Variants in SORCS1 observed in about 807,000 individuals in gnomAD.
The protein encoded by SORCS1 is VPS10 domain-containing receptor SorCS1.
Under a neutral mutation model 146.1 loss-of-function variants are expected in SORCS1, and 60 were observed. The ratio of observed to expected loss-of-function variants is 0.41; its 90% CI spans 0.33 to 0.51. SORCS1 has a LOEUF of 0.51. Among genes scored for constraint, SORCS1 ranks in the 20% least tolerant of loss-of-function variants. SORCS1 has a pLI of 0.21. For synonymous variants in SORCS1, 637 were observed against 584.0 expected (o/e 1.09, Z -1.31); for missense variants, 1,352 against 1,487.6 (o/e 0.91, Z 1.50).
intron 1 of SORCS1, among the ~76,000 whole-genome samples, chr10:106,995,870 C>T (rs1460751591): frequency 6.6e-6 from 1 of 151,984 alleles, no homozygotes; most frequent in Non-Finnish European, 1.5e-5. Flanking sequence ...ACAAGGGAAC[C>T]TGGCAAATGT....
intron 19 of SORCS1, among the ~76,000 whole-genome samples, chr10:106,623,072 T>G (rs1352475295): frequency 6.6e-6 from 1 of 152,190 alleles, no homozygotes; most frequent in Non-Finnish European, 1.5e-5. Context: ...ACCTTTCTTA[T>G]GGCACCTGTC....
At chr10:106,933,798 T>C (rs1359278991) in intron 2 of SORCS1, among the ~76,000 whole-genome samples, 3 of 152,146 alleles carry the variant, frequency 2.0e-5, no homozygotes, top group East Asian at 1.9e-4. Flanking sequence ...ACTTCAACTA[T>C]GAAAAACATT....
At chr10:106,971,854 G>A (rs117313788) in intron 1 of SORCS1, among the ~76,000 whole-genome samples, 6 of 152,216 alleles carry the variant, frequency 3.9e-5, no homozygotes, top group Non-Finnish European at 8.8e-5. Flanking sequence ...ATCAAAGTCT[G>A]AATTCCAGAT....
chr10:106,953,563 T>G (rs1317123595), intron 2 of SORCS1, among the ~76,000 whole-genome samples: 1 of 152,066 alleles, frequency 6.6e-6, no homozygotes, highest in Non-Finnish European at 1.5e-5. Context: ...ATGAGGTGGA[T>G]GAATTCGGAG....
At chr10:107,103,358 G>A (rs1383702577) in intron 1 of SORCS1, among the ~76,000 whole-genome samples, 4 of 152,272 alleles carry the variant, frequency 2.6e-5, no homozygotes, top group Admixed American at 6.5e-5. Flanking sequence ...CAGTAGTCCC[G>A]ACTAAGGTTT....
chr10:106,862,920 G>A (rs183059656), intron 2 of SORCS1, among the ~76,000 whole-genome samples: 139 of 152,098 alleles, frequency 9.1e-4, no homozygotes, highest in Non-Finnish European at 1.5e-3. Flanking sequence ...TGATTCTCAT[G>A]GTAAGATATT....
In SORCS1 at chr10:107,161,768, T is replaced by C. The variant is rs1206097684; in HGVS notation, c.558+2201A>G. 2.6e-5 allele frequency among the ~76,000 whole-genome samples: 4 copies of C among 152,234 alleles called. No individual in the cohort carries two copies. In the East Asian group the frequency reaches 7.7e-4, roughly 29 times the overall value. The stretch of plus-strand genomic sequence containing the variant: ...TTTCTCTGAGTCTGGTCCAGATACG[T>C]AGGACTGGCTTTGTTTTGGAGGACA... On this transcript the variant is annotated intron_variant, in intron 1 of 25. Coordinates refer to ENST00000263054, the MANE Select transcript of SORCS1 (RefSeq NM_052918.5).
intron 1 of SORCS1, among the ~76,000 whole-genome samples, chr10:107,087,364 T>C (rs1490832732): frequency 6.6e-6 from 1 of 152,186 alleles, no homozygotes; most frequent in African/African-American, 2.4e-5. Context: ...CCTTGATCCA[T>C]ATGTCTAGTG....
At chr10:107,008,489 A>ATG (rs1437069596) in intron 1 of SORCS1, among the ~76,000 whole-genome samples, 1 of 152,248 alleles carries the variant, frequency 6.6e-6, no homozygotes, top group Non-Finnish European at 1.5e-5. Context: ...TCATCACATG[A>ATG]AAGATGTTCC....
rs566207939 is a variant in SORCS1, at chr10:106,928,552, G to A, written c.626+27961C>T. ...CAGAAAGGGGCTCCCACAGTGCAGC[G>A]GTGGGCTGAAGGGCTCCTTAAGTGC... On this transcript the variant is annotated intron_variant, in intron 2 of 25. Coordinates refer to ENST00000263054, the MANE Select transcript of SORCS1 (RefSeq NM_052918.5). Among the ~76,000 whole-genome samples, 50 of 152,358 alleles carry A rather than the reference G, an allele frequency of 3.3e-4. No homozygotes were observed. The South Asian group carries it at 6.4e-3, about 20-fold the overall frequency.
chr10:107,001,434 C>T (rs1238479032), intron 1 of SORCS1, among the ~76,000 whole-genome samples: 1 of 151,942 alleles, frequency 6.6e-6, no homozygotes, highest in Non-Finnish European at 1.5e-5. Context: ...TGGTAGAAGG[C>T]TTTTTAGTAA....
intron 1 of SORCS1, among the ~76,000 whole-genome samples, chr10:107,021,279 G>A (rs1222022533): frequency 6.6e-6 from 1 of 151,904 alleles, no homozygotes; most frequent in African/African-American, 2.4e-5. Flanking sequence ...TTGGGAGGCC[G>A]AGGCAGGTGG....
intron 6 of SORCS1, among the ~76,000 whole-genome samples, chr10:106,720,784 G>A (rs1038144178): frequency 2.0e-5 from 3 of 151,982 alleles, no homozygotes; most frequent in African/African-American, 7.3e-5. Flanking sequence ...GGAAGATAAG[G>A]GCACAGAGCT....
At chr10:107,127,046 T>C (rs1431665115) in intron 1 of SORCS1, among the ~76,000 whole-genome samples, 2 of 152,126 alleles carry the variant, frequency 1.3e-5, no homozygotes, top group African/African-American at 4.8e-5. Context: ...TTGATGGCTT[T>C]GGAAGTAAAT....
At chr10:107,065,443 C>CTTTCTTTCTTTCTTTCTTTCT (rs1443364012) in intron 1 of SORCS1, among the ~76,000 whole-genome samples, 2 of 142,756 alleles carry the variant, frequency 1.4e-5, no homozygotes, top group African/African-American at 2.6e-5. Context: ...TTCTTTCTTT[C>CTTTCTTTCTTTCTTTCTTTCT]TTTCTTTTCT....
At chr10:106,932,629 A>G (rs1159803227) in intron 2 of SORCS1, among the ~76,000 whole-genome samples, 2 of 152,248 alleles carry the variant, frequency 1.3e-5, no homozygotes, top group East Asian at 1.9e-4. Context: ...ACAAAGCACC[A>G]TAATTCCAAG....
chr10:106,675,407 A>C (rs1403440503), intron 13 of SORCS1, among the ~76,000 whole-genome samples: 1 of 152,174 alleles, frequency 6.6e-6, no homozygotes, highest in African/African-American at 2.4e-5. Context: ...AATAACTATA[A>C]GTCTTTTATA....
chr10:107,049,583 A>C (rs1959914214), intron 1 of SORCS1, among the ~76,000 whole-genome samples: 1 of 152,172 alleles, frequency 6.6e-6, no homozygotes, highest in Non-Finnish European at 1.5e-5. Context: ...GGGAAACTCC[A>C]GCTTCTTTAA....
intron 1 of SORCS1, among the ~76,000 whole-genome samples, chr10:107,110,558 A>G (rs1965625131): frequency 6.6e-6 from 1 of 152,108 alleles, no homozygotes; most frequent in Admixed American, 6.5e-5. Context: ...CTCACTCATT[A>G]TCACAAAGAT....
Sources: gnomAD v4.1 joint callset for allele counts (sites outside exome capture counted in the v4.1 genomes callset) on GRCh38, gnomAD v4.1.1 for gene constraint, MANE v1.5 for transcripts, NCBI Gene and HGNC (gene_info 2026-07-23, HGNC 2026-07-21) for gene names.